PARP8: variants seen among roughly 807,000 people sequenced by gnomAD.
PARP8 encodes protein mono-ADP-ribosyltransferase PARP8.
A neutral mutation model predicts 124.1 loss-of-function variants in PARP8; 51 were observed. The observed-to-expected ratio is 0.41, with a 90% confidence interval of 0.33 to 0.52. PARP8 has a LOEUF of 0.52. Among genes scored for constraint, PARP8 ranks in the 20% least tolerant of loss-of-function variants. The pLI, the probability that PARP8 is intolerant of heterozygous loss-of-function variation, is 0.21. For synonymous variants in PARP8, 391 were observed against 361.5 expected (o/e 1.08, Z -0.93); for missense variants, 860 against 1,018.9 (o/e 0.84, Z 2.12).
intron 2 of PARP8, among the ~76,000 whole-genome samples, chr5:50,707,602 G>A (rs1478557919): frequency 2.1e-5 from 3 of 144,930 alleles, no homozygotes; most frequent in Admixed American, 7.2e-5. Flanking sequence ...ATATGAGATA[G>A]AGAGATAGAG....
chr5:50,700,653 A>G (rs1382577563), intron 2 of PARP8, among the ~76,000 whole-genome samples: 1 of 152,134 alleles, frequency 6.6e-6, no homozygotes, highest in Non-Finnish European at 1.5e-5. Context: ...TAAATTGGTA[A>G]GAATTGGATT....
chr5:50,689,927 C>T (rs1238707821), intron 2 of PARP8, among the ~76,000 whole-genome samples: 2 of 152,172 alleles, frequency 1.3e-5, no homozygotes, highest in Non-Finnish European at 2.9e-5. Context: ...TGGGAACATT[C>T]CACTGTACCT....
intron 1 of PARP8, among the ~76,000 whole-genome samples, 185 bp downstream of exon 1, chr5:50,667,371 C>T (rs527512707): frequency 6.6e-6 from 1 of 152,356 alleles, no homozygotes; most frequent in Admixed American, 6.5e-5. Flanking sequence ...TCCCCTTCCC[C>T]TCCCCCACCG....
chr5:50,804,434 C>G (rs2149670863), intron 14 of PARP8, among the ~76,000 whole-genome samples: 2 of 152,254 alleles, frequency 1.3e-5, no homozygotes, highest in Middle Eastern at 6.8e-3. Context: ...AAATTTAACC[C>G]TTTTCCCATT....
chr5:50,718,031 T>G (rs1201438192), intron 2 of PARP8, among the ~76,000 whole-genome samples: 1 of 151,996 alleles, frequency 6.6e-6, no homozygotes, highest in Non-Finnish European at 1.5e-5. Flanking sequence ...AGAAATAGGT[T>G]GGTAGCTTGG....
Position 50,830,043 on chromosome 5 carries a change from A to G in PARP8, c.2233+82A>G, listed in dbSNP as rs933513743. 4.3e-6 allele frequency: 6 copies of G among 1,382,228 alleles called. No individual in the cohort carries two copies. The South Asian group carries it at 5.6e-5, about 13-fold the overall frequency. The allele number at this position is 1,382,228 out of a possible 1,614,324, so 85.6% of individuals were successfully genotyped here. ...GTTTATACTCTATTCACAGCTTTCT[A>G]TTGTGCCTTATTAGATATATTTTTA... On this transcript the variant is annotated intron_variant, in intron 22 of 25. Transcript: ENST00000281631.
rs578245129 is a variant in PARP8, at chr5:50,736,978, G to T, written c.147-13173G>T. On this transcript the variant is annotated intron_variant, in intron 2 of 25. Coordinates refer to ENST00000281631, the MANE Select transcript of PARP8 (RefSeq NM_024615.4). ...CTCTGAAATTTTCATAAGAAAGATG[G>T]GATTTGACTTTAAAAAGTGCTTTCT... is the stretch of plus-strand genomic sequence containing the variant. Among the ~76,000 whole-genome samples the T allele has an allele frequency of 2.6e-5, 4 of 152,156 alleles. No homozygotes were observed. In the South Asian group the frequency reaches 8.3e-4, roughly 32 times the overall value.
intron 2 of PARP8, among the ~76,000 whole-genome samples, chr5:50,711,646 G>A (rs568421257): frequency 6.6e-6 from 1 of 152,202 alleles, no homozygotes; most frequent in African/African-American, 2.4e-5. Context: ...GTCCTTGGTT[G>A]AGCCGCTGAA....
chr5:50,834,717 T>A, intron 24 of PARP8: 1 of 556,988 alleles, frequency 1.8e-6, no homozygotes, highest in Non-Finnish European at 3.2e-6. Context: ...TTTATTGTTA[T>A]ACCAGTTGTT....
chr5:50,677,257 A>G (rs1316956977), intron 2 of PARP8, among the ~76,000 whole-genome samples: 2 of 151,294 alleles, frequency 1.3e-5, no homozygotes, highest in Admixed American at 6.6e-5. Flanking sequence ...TGCTCCATGG[A>G]TATAAGCTGA....
intron 2 of PARP8, among the ~76,000 whole-genome samples, chr5:50,705,172 C>T (rs1754006437): frequency 6.6e-6 from 1 of 152,126 alleles, no homozygotes; most frequent in Non-Finnish European, 1.5e-5. Context: ...TCTTAGGCAG[C>T]ATGGCTCAAG....
At chr5:50,769,575 GCA>G (rs1188444832) in intron 7 of PARP8, among the ~76,000 whole-genome samples, 1 of 151,832 alleles carries the variant, frequency 6.6e-6, no homozygotes, top group Non-Finnish European at 1.5e-5. Context: ...GAAGACAGAT[GCA>G]CATAGATTTT....
At chr5:50,738,888 T>G (rs564730616) in intron 2 of PARP8, 86 of 659,688 alleles carry the variant, frequency 1.3e-4, no homozygotes, top group Non-Finnish European at 2.1e-4. Context: ...AATAAAAAAT[T>G]TATTATTGAT....
At chr5:50,728,936 G>A (rs1756701517) in intron 2 of PARP8, among the ~76,000 whole-genome samples, 1 of 152,016 alleles carries the variant, frequency 6.6e-6, no homozygotes, top group Non-Finnish European at 1.5e-5. Context: ...GATGTTTGTT[G>A]ATGTTGAAAA....
intron 17 of PARP8, 141 bp downstream of exon 17, chr5:50,822,541 A>G (rs1405650858): frequency 6.3e-6 from 4 of 634,194 alleles, no homozygotes; most frequent in Non-Finnish European, 1.1e-5. Context: ...AAATCACATC[A>G]GTGTACTAGC....
At chr5:50,805,285 A>C (rs1381577225) in intron 14 of PARP8, among the ~76,000 whole-genome samples, 2 of 152,128 alleles carry the variant, frequency 1.3e-5, no homozygotes, top group African/African-American at 4.8e-5. Context: ...GCTAATATCT[A>C]TCATAGTTAA....
intron 3 of PARP8, among the ~76,000 whole-genome samples, chr5:50,754,612 T>G (rs903170147): frequency 4.6e-5 from 7 of 152,180 alleles, no homozygotes; most frequent in Non-Finnish European, 8.8e-5. Context: ...GTTCCAAGTC[T>G]TTGCTATTGT....
chr5:50,774,355 C>T (rs542008963), intron 7 of PARP8, among the ~76,000 whole-genome samples: 25 of 152,322 alleles, frequency 1.6e-4, no homozygotes, highest in African/African-American at 3.8e-4. Flanking sequence ...ACTGTCTCTT[C>T]GGAGCTGTTG....
At chr5:50,708,443 G>A (rs768726572) in intron 2 of PARP8, among the ~76,000 whole-genome samples, 12 of 151,782 alleles carry the variant, frequency 7.9e-5, no homozygotes, top group African/African-American at 2.4e-4. Flanking sequence ...ATCTCTGCAT[G>A]TCTAAAATAC....
Sources: gnomAD v4.1 joint callset for allele counts (sites outside exome capture counted in the v4.1 genomes callset) on GRCh38, gnomAD v4.1.1 for gene constraint, MANE v1.5 for transcripts, NCBI Gene and HGNC (gene_info 2026-07-23, HGNC 2026-07-21) for gene names.